The following BLTP3A variants were observed in gnomAD, a reference collection of about 807,000 sequenced individuals.
BLTP3A encodes the protein bridge-like lipid transfer protein family member 3A, also known as ICBP90 binding protein 1.
chr6:34,823,473 A>ATGGAGGTTCTT, the BLTP3A span: 1 of 717,176 alleles, frequency 1.4e-6, no homozygotes, highest in Non-Finnish European at 2.4e-6. Flanking sequence ...AAAATGGTAT[A>ATGGAGGTTCTT]AGAACCTCCA....
At chr6:34,827,197 G>A in the BLTP3A span, among the ~76,000 whole-genome samples, 1 of 152,020 alleles carries the variant, frequency 6.6e-6, no homozygotes, top group South Asian at 2.1e-4. Context: ...TGTAGTCCCA[G>A]CTACTCGGGA....
At chr6:34,826,247 C>T in the BLTP3A span, among the ~76,000 whole-genome samples, 13 of 151,984 alleles carry the variant, frequency 8.6e-5, no homozygotes, top group Non-Finnish European at 1.3e-4. Context: ...GTCTCGAATT[C>T]CTGACTTCAA....
chr6:34,815,487 T>C, the BLTP3A span, among the ~76,000 whole-genome samples: 2 of 151,940 alleles, frequency 1.3e-5, no homozygotes, highest in African/African-American at 4.8e-5. Context: ...TGACCTCAGG[T>C]GATCTGCCTG....
At chr6:34,870,664 G>C in the BLTP3A span, among the ~76,000 whole-genome samples, 1 of 152,160 alleles carries the variant, frequency 6.6e-6, no homozygotes, top group Admixed American at 6.5e-5. Context: ...CAGACTGCCT[G>C]GGTTCAGATC....
At chr6:34,815,503 G>T in the BLTP3A span, among the ~76,000 whole-genome samples, 4 of 151,976 alleles carry the variant, frequency 2.6e-5, no homozygotes, top group Non-Finnish European at 5.9e-5. Flanking sequence ...GCCTGCTTTG[G>T]CTTCCCAAAG....
the BLTP3A span, among the ~76,000 whole-genome samples, chr6:34,851,477 A>G: frequency 6.6e-6 from 1 of 152,140 alleles, no homozygotes; most frequent in Non-Finnish European, 1.5e-5. Flanking sequence ...ACTCTCCCCC[A>G]TATAGCAGTG....
chr6:34,877,377 AAAC>A, the BLTP3A span: 1 of 152,668 alleles, frequency 6.6e-6, no homozygotes, highest in Admixed American at 6.5e-5. Context: ...TATTTGAGGA[AAAC>A]AATGAGAATG....
At chr6:34,838,288 A>T in the BLTP3A span, among the ~76,000 whole-genome samples, 3 of 152,188 alleles carry the variant, frequency 2.0e-5, no homozygotes, top group Non-Finnish European at 4.4e-5. Flanking sequence ...ATTTTTATAT[A>T]CATAAAACAA....
chr6:34,846,793 G>A, the BLTP3A span, among the ~76,000 whole-genome samples: 6 of 152,198 alleles, frequency 3.9e-5, no homozygotes, highest in South Asian at 4.1e-4. Context: ...TAGGACTTCC[G>A]GTACTATGTT....
chr6:34,803,387 C>G, the BLTP3A span, among the ~76,000 whole-genome samples: 1 of 152,222 alleles, frequency 6.6e-6, no homozygotes, highest in Non-Finnish European at 1.5e-5. Context: ...CTGGAGGTCT[C>G]TCTTCTCATG....
chr6:34,872,497 C>T, the BLTP3A span: 1 of 1,556,460 alleles, frequency 6.4e-7, no homozygotes, highest in African/African-American at 1.4e-5. Flanking sequence ...ATAGCACCAC[C>T]TAGGACAGAG....
the BLTP3A span, among the ~76,000 whole-genome samples, chr6:34,839,850 C>G: frequency 6.6e-6 from 1 of 152,248 alleles, no homozygotes; most frequent in African/African-American, 2.4e-5. Flanking sequence ...CCTTGCCTGT[C>G]TGCCAGACGG....
chr6:34,818,683 C>CA, the BLTP3A span, among the ~76,000 whole-genome samples: 3 of 152,244 alleles, frequency 2.0e-5, no homozygotes, highest in Admixed American at 6.5e-5. Context: ...TCGACCCCTC[C>CA]CCTTACCCCA....
the BLTP3A span, among the ~76,000 whole-genome samples, chr6:34,844,486 G>T: frequency 1.1e-4 from 16 of 152,220 alleles, no homozygotes; most frequent in Non-Finnish European, 2.2e-4. Flanking sequence ...TGATGGCTAG[G>T]CTGGTCTTGA....
the BLTP3A span, chr6:34,856,224 T>A: frequency 5.8e-4 from 931 of 1,605,516 alleles, 2 homozygotes; most frequent in Non-Finnish European, 7.4e-4. Flanking sequence ...ATCTTTTCAC[T>A]TCTTCGTTGC....
At chr6:34,811,941 C>A in the BLTP3A span, among the ~76,000 whole-genome samples, 1 of 151,848 alleles carries the variant, frequency 6.6e-6, no homozygotes, top group Non-Finnish European at 1.5e-5. Flanking sequence ...GAGGGAGGAT[C>A]ACTTGAGCTC....
At chr6:34,811,682 C>A in the BLTP3A span, among the ~76,000 whole-genome samples, 3 of 113,672 alleles carry the variant, frequency 2.6e-5, no homozygotes, top group South Asian at 3.0e-4. Context: ...AGACCCCCCC[C>A]CCCGCATCTC....
At chr6:34,846,104 C>G in the BLTP3A span, among the ~76,000 whole-genome samples, 2 of 126,530 alleles carry the variant, frequency 1.6e-5, no homozygotes, top group Admixed American at 8.1e-5. Context: ...CCTCCCCTCC[C>G]CTCCCCTCCC....
At chr6:34,796,091 C>T in the BLTP3A span, among the ~76,000 whole-genome samples, 4 of 152,038 alleles carry the variant, frequency 2.6e-5, no homozygotes, top group South Asian at 2.1e-4. Flanking sequence ...AAGAGAGAGA[C>T]GGGAAGGCAT....
Sources: allele counts gnomAD v4.1 joint callset (sites outside exome capture counted in the v4.1 genomes callset), GRCh38; gene constraint gnomAD v4.1.1; transcripts MANE v1.5; gene names NCBI Gene and HGNC (gene_info 2026-07-23, HGNC 2026-07-21).